Variants in PDE10A observed in about 807,000 individuals in gnomAD.
PDE10A encodes the protein cAMP and cAMP-inhibited cGMP 3',5'-cyclic phosphodiesterase 10A.
PDE10A carries 39 observed loss-of-function variants against 97.7 expected under a neutral mutation model. The observed-to-expected ratio is 0.40, with a 90% CI of 0.31 to 0.52. The LOEUF (loss-of-function observed/expected upper bound fraction) is 0.52. PDE10A is among the 20% of genes least tolerant of loss of function. PDE10A has a pLI of 0.56. For missense variants in PDE10A, 731 were observed against 1,047.8 expected, an observed-to-expected ratio of 0.70 and a Z score of 4.17; for synonymous variants, 371 against 376.8, an observed-to-expected ratio of 0.98 and a Z score of 0.18.
At chr6:165,570,195 C>T (rs1035917182) in intron 1 of PDE10A, among the ~76,000 whole-genome samples, 2 of 152,060 alleles carry the variant, frequency 1.3e-5, no homozygotes, top group African/African-American at 2.4e-5. Flanking sequence ...TAATGCTCTC[C>T]TTTCTGAAAA....
At chr6:165,974,431 C>T (rs909827552) in intron 1 of PDE10A, among the ~76,000 whole-genome samples, 1 of 152,148 alleles carries the variant, frequency 6.6e-6, no homozygotes, top group Admixed American at 6.5e-5. Context: ...GAGGAAAGAA[C>T]CTGTCTGCCC....
rs532079574 is a variant in PDE10A, at chr6:165,656,400, G to A, written c.865+5547C>T. Reference sequence around the variant, plus strand: ...GCTACCTCCTGCTTGTATCTCTCCCGACCATTCATGTGCATGGCCCCATCT... The same window carrying A: ...GCTACCTCCTGCTTGTATCTCTCCCAACCATTCATGTGCATGGCCCCATCT... On this transcript the variant is annotated intron_variant, in intron 1 of 21. Coordinates refer to ENST00000539869, the MANE Select transcript of PDE10A (RefSeq NM_001385079.1). Among the ~76,000 whole-genome samples, 34 of 150,934 alleles carry A rather than the reference G, an allele frequency of 2.3e-4. No individual in the cohort carries two copies. The South Asian group carries it at 3.4e-3, about 15-fold the overall frequency.
intron 1 of PDE10A, among the ~76,000 whole-genome samples, chr6:165,752,323 C>G (rs1280306791): frequency 6.6e-6 from 1 of 152,052 alleles, no homozygotes; most frequent in African/African-American, 2.4e-5. Flanking sequence ...GCCAAGGACC[C>G]TCTCAGGCTA....
At chr6:165,499,213 G>A (rs1003028228) in intron 2 of PDE10A, among the ~76,000 whole-genome samples, 2 of 152,196 alleles carry the variant, frequency 1.3e-5, no homozygotes, top group Admixed American at 6.5e-5. Context: ...CTGATCAGGG[G>A]ACCAGGGGAC....
chr6:165,518,273 T>C (rs1387279267), intron 2 of PDE10A, among the ~76,000 whole-genome samples: 3 of 152,206 alleles, frequency 2.0e-5, no homozygotes, highest in Admixed American at 1.3e-4. Flanking sequence ...ATCTTTACAG[T>C]AGAACCCTTC....
intron 7 of PDE10A, among the ~76,000 whole-genome samples, chr6:165,432,318 A>C (rs532995285): frequency 1.3e-5 from 2 of 152,314 alleles, no homozygotes; most frequent in South Asian, 2.1e-4. Flanking sequence ...CATTTAAGGA[A>C]ATTCTGAAGG....
At chr6:165,422,388 C>T (rs1214966651) in intron 10 of PDE10A, among the ~76,000 whole-genome samples, 1 of 148,846 alleles carries the variant, frequency 6.7e-6, no homozygotes, top group Non-Finnish European at 1.5e-5. Context: ...GGCATACACA[C>T]ACGCATACAC....
At chr6:165,857,081 A>G (rs1780757362) in intron 1 of PDE10A, among the ~76,000 whole-genome samples, 1 of 152,156 alleles carries the variant, frequency 6.6e-6, no homozygotes, top group Admixed American at 6.5e-5. Context: ...AGATGATGGG[A>G]TTGATTAAGT....
At chr6:165,560,178 AT>A (rs1443000508) in intron 1 of PDE10A, among the ~76,000 whole-genome samples, 6 of 152,070 alleles carry the variant, frequency 3.9e-5, no homozygotes, top group Non-Finnish European at 8.8e-5. Context: ...AAGAGCAGAT[AT>A]TTTTTTTCTG....
chr6:165,552,530 G>A (rs1446589398), intron 1 of PDE10A, among the ~76,000 whole-genome samples: 1 of 152,160 alleles, frequency 6.6e-6, no homozygotes, highest in Admixed American at 6.5e-5. Context: ...GTGTGTACCT[G>A]ACCAACCCCC....
chr6:165,503,853 G>T (rs776851566), intron 2 of PDE10A, among the ~76,000 whole-genome samples: 9 of 152,092 alleles, frequency 5.9e-5, no homozygotes, highest in Non-Finnish European at 1.3e-4. Flanking sequence ...TTATGGATAA[G>T]ATGGTTTTCC....
chr6:165,869,080 G>A (rs1027504923), intron 1 of PDE10A, among the ~76,000 whole-genome samples: 6 of 152,048 alleles, frequency 3.9e-5, no homozygotes, highest in South Asian at 2.1e-4. Context: ...ATTCAACATC[G>A]TGCTGGAAGT....
chr6:165,485,170 C>T (rs1385093026), intron 2 of PDE10A, among the ~76,000 whole-genome samples: 2 of 152,118 alleles, frequency 1.3e-5, no homozygotes, highest in Non-Finnish European at 2.9e-5. Context: ...ACCAAGCACC[C>T]TGCATTAAAA....
At chr6:165,779,094 C>T (rs774311289) in intron 1 of PDE10A, among the ~76,000 whole-genome samples, 1 of 152,154 alleles carries the variant, frequency 6.6e-6, no homozygotes, top group Non-Finnish European at 1.5e-5. Context: ...ATTTCATTCC[C>T]AGAATCATAA....
At chr6:165,747,582 CAA>C (rs1792871439) in intron 1 of PDE10A, among the ~76,000 whole-genome samples, 1 of 149,242 alleles carries the variant, frequency 6.7e-6, no homozygotes, top group Non-Finnish European at 1.5e-5. Flanking sequence ...TGAAAATGAT[CAA>C]GTTTTTTTTT....
intron 1 of PDE10A, among the ~76,000 whole-genome samples, chr6:165,982,579 A>G (rs1333329790): frequency 6.6e-6 from 1 of 152,248 alleles, no homozygotes; most frequent in East Asian, 1.9e-4. Flanking sequence ...CTGGAAAAAT[A>G]CAGTCAGTAT....
At chr6:165,653,421 C>A (rs1168129091) in intron 1 of PDE10A, among the ~76,000 whole-genome samples, 1 of 152,170 alleles carries the variant, frequency 6.6e-6, no homozygotes, top group East Asian at 1.9e-4. Flanking sequence ...GGTTCCAGGG[C>A]ACTGGTGGCA....
At chr6:165,652,285 C>T (rs1453109701) in intron 1 of PDE10A, among the ~76,000 whole-genome samples, 1 of 151,878 alleles carries the variant, frequency 6.6e-6, no homozygotes. Flanking sequence ...GAGGCAGGGT[C>T]TCCCTCTGTT....
intron 1 of PDE10A, among the ~76,000 whole-genome samples, chr6:165,658,541 G>C (rs1790078119): frequency 1.3e-5 from 2 of 152,286 alleles, no homozygotes; most frequent in African/African-American, 4.8e-5. Context: ...TTATCCACAG[G>C]CGTGCCTCAG....
Sources: gnomAD v4.1 joint callset for allele counts (sites outside exome capture counted in the v4.1 genomes callset) on GRCh38, gnomAD v4.1.1 for gene constraint, MANE v1.5 for transcripts, NCBI Gene and HGNC (gene_info 2026-07-23, HGNC 2026-07-21) for gene names.